Variants in KCNJ15 observed in about 807,000 individuals in gnomAD.
The protein encoded by KCNJ15 is potassium inwardly rectifying channel subfamily J member 15.
KCNJ15 carries 14 observed loss-of-function variants against 23.0 expected under a neutral mutation model. That is an observed-to-expected ratio of 0.61 (90% CI 0.40 to 0.95). The LOEUF (loss-of-function observed/expected upper bound fraction) is 0.95, where lower values mean the gene tolerates loss of function less well. Ranked by LOEUF, KCNJ15 falls within the 40% of genes least tolerant of loss-of-function variation. The pLI is 0.00. For synonymous variants in KCNJ15, 185 were observed against 183.2 expected (o/e 1.01, Z -0.08); for missense variants, 388 against 461.8 (o/e 0.84, Z 1.46).
chr21:38,280,526 CGACGCCT>C (rs1983209220), intron 1 of KCNJ15, among the ~76,000 whole-genome samples: 1 of 152,098 alleles, frequency 6.6e-6, no homozygotes, highest in Non-Finnish European at 1.5e-5. Flanking sequence ...AGAATATAAG[CGACGCCT>C]GACTTAGCAC....
intron 1 of KCNJ15, among the ~76,000 whole-genome samples, chr21:38,265,440 A>G (rs1359546998): frequency 6.6e-6 from 1 of 152,246 alleles, no homozygotes; most frequent in Non-Finnish European, 1.5e-5. Flanking sequence ...CCTAAATGAT[A>G]CTTTCTGCAC....
chr21:38,294,737 A>G (rs573349428), intron 1 of KCNJ15, among the ~76,000 whole-genome samples: 158 of 152,226 alleles, frequency 1.0e-3, no homozygotes, highest in South Asian at 4.1e-3. Context: ...TACCTTTTTC[A>G]ATGTGCCTTC....
At chr21:38,278,301 A>G (rs1277793411) in intron 1 of KCNJ15, among the ~76,000 whole-genome samples, 1 of 152,230 alleles carries the variant, frequency 6.6e-6, no homozygotes, top group Non-Finnish European at 1.5e-5. Context: ...GTGATGGATG[A>G]AGAGCTGGCT....
chr21:38,239,062 G>A (rs920649922), intron 1 of KCNJ15, among the ~76,000 whole-genome samples: 3 of 152,170 alleles, frequency 2.0e-5, no homozygotes, highest in African/African-American at 7.2e-5. Flanking sequence ...CCATTGAGAA[G>A]GTGGTTATTG....
intron 1 of KCNJ15, among the ~76,000 whole-genome samples, chr21:38,250,488 A>G (rs1442086787): frequency 6.6e-6 from 1 of 152,310 alleles, no homozygotes; most frequent in Admixed American, 6.5e-5. Context: ...TAAACTTGGA[A>G]AAGGGTGAAA....
At chr21:38,232,121 TACTC>T (rs767745236) in intron 1 of KCNJ15, among the ~76,000 whole-genome samples, 79 of 148,862 alleles carry the variant, frequency 5.3e-4, no homozygotes, top group Non-Finnish European at 8.9e-4. Context: ...GTTTTAAAAT[TACTC>T]ATTCATTAGA....
intron 1 of KCNJ15, among the ~76,000 whole-genome samples, chr21:38,267,909 A>G (rs1981629971): frequency 6.6e-6 from 1 of 152,166 alleles, no homozygotes; most frequent in African/African-American, 2.4e-5. Flanking sequence ...TAAAAAGTAT[A>G]TGCTTAGCTT....
Position 38,299,772 on chromosome 21 carries a change from C to CTTT in KCNJ15, c.511_512insTTT (p.Pro171delinsLeuSer). On this transcript the variant is annotated protein_altering_variant, in exon 3 of 3. Coordinates refer to ENST00000398938, the MANE Select transcript of KCNJ15 (RefSeq NM_170736.3). This position sits in a 1 kb window ranked among gnomAD's most constrained non-coding sequence, Gnocchi z 4.5. ...AACCTTCCTGGCCAAAATCGCCAGACCCAAAAAGCGGGCTGAGACCATCAA... is the reference window on the plus strand; with the variant it reads ...AACCTTCCTGGCCAAAATCGCCAGACTTTCCAAAAAGCGGGCTGAGACCATCAA... 1 of 1,614,068 alleles carries CTTT rather than the reference C, an allele frequency of 6.2e-7. No individual in the cohort carries two copies. Among genetic ancestry groups the CTTT allele is most frequent in the Non-Finnish European group, 8.5e-7 (1 of 1,180,024 alleles).
Position 38,302,604 on chromosome 21 carries a change from T to G in KCNJ15, c.*2215T>G, listed in dbSNP as rs1985880574. On this transcript the variant is annotated 3_prime_UTR_variant, in exon 3 of 3. Coordinates refer to ENST00000398938, the MANE Select transcript of KCNJ15 (RefSeq NM_170736.3). ...TCTTTTAGTTATTATACTTGCTATT[T>G]TTACTGTATAGTGTGGTATAATCAA... 1 of 152,238 alleles carries G rather than the reference T, an allele frequency of 6.6e-6. No homozygotes were observed. Among genetic ancestry groups the G allele is most frequent in the Non-Finnish European group, 1.5e-5 (1 of 68,038 alleles). The allele number at this position is 152,238 out of a possible 1,614,324, so 9.4% of individuals were successfully genotyped here. A position where few individuals can be genotyped will look rare whatever the true frequency, so the allele number is the denominator to read the frequency against.
At chr21:38,282,645 C>A (rs912856567) in intron 1 of KCNJ15, among the ~76,000 whole-genome samples, 11 of 152,124 alleles carry the variant, frequency 7.2e-5, no homozygotes, top group Admixed American at 1.3e-4. Flanking sequence ...GGCATCATAA[C>A]CTTAGGCAAG....
chr21:38,293,046 A>G (rs527543401), intron 1 of KCNJ15, among the ~76,000 whole-genome samples: 4 of 152,214 alleles, frequency 2.6e-5, no homozygotes, highest in Non-Finnish European at 4.4e-5. Flanking sequence ...TCAGGCATAT[A>G]ATCCTAAGAT....
intron 1 of KCNJ15, among the ~76,000 whole-genome samples, chr21:38,261,608 C>T (rs1338308424): frequency 6.6e-6 from 1 of 152,118 alleles, no homozygotes; most frequent in Non-Finnish European, 1.5e-5. Flanking sequence ...TTCATTGGCA[C>T]CTTGCCATGA....
intron 1 of KCNJ15, chr21:38,291,871 T>C (rs1265130501): frequency 6.6e-6 from 1 of 152,246 alleles, no homozygotes; most frequent in Non-Finnish European, 1.5e-5. Flanking sequence ...TTGTGCTATA[T>C]CACAGTTCCT....
intron 1 of KCNJ15, among the ~76,000 whole-genome samples, chr21:38,239,700 T>G (rs1978861171): frequency 6.6e-6 from 1 of 152,184 alleles, no homozygotes; most frequent in Non-Finnish European, 1.5e-5. Context: ...AACCTTATCT[T>G]AAAGTAAAAA....
At chr21:38,244,392 G>A (rs996730370) in intron 1 of KCNJ15, among the ~76,000 whole-genome samples, 5 of 152,140 alleles carry the variant, frequency 3.3e-5, no homozygotes, top group East Asian at 3.9e-4. Context: ...CAGGGACCAC[G>A]ACACATCCCA....
chr21:38,303,708 G>T lies in KCNJ15; in HGVS notation c.*3319G>T, dbSNP rs928847201. ...CAACTATTTTGTTGGATTTTTATTTGAATTAAATTTCCCAATTTTTAATAG... is the reference window on the plus strand; with the variant it reads ...CAACTATTTTGTTGGATTTTTATTTTAATTAAATTTCCCAATTTTTAATAG... On this transcript the variant is annotated 3_prime_UTR_variant, in exon 3 of 3. Coordinates refer to ENST00000398938, the MANE Select transcript of KCNJ15 (RefSeq NM_170736.3). The T allele has an allele frequency of 9.9e-5, 15 of 152,166 alleles. No homozygotes were observed. The highest frequency in any genetic ancestry group is 2.1e-4 in the South Asian group (1 of 4,822). 9.4% of individuals were successfully genotyped at this position (152,166 alleles called of 1,614,324 possible). A position where few individuals can be genotyped will look rare whatever the true frequency, so the allele number is the denominator to read the frequency against.
Position 38,235,287 on chromosome 21 carries a change from C to CT in KCNJ15, c.-398-21758dup, listed in dbSNP as rs536289829. Among the ~76,000 whole-genome samples, 9 of 151,582 alleles carry CT rather than the reference C, an allele frequency of 5.9e-5. No homozygotes were observed. In the South Asian group the frequency reaches 1.9e-3, roughly 31 times the overall value. ...GTTGAGCTGGGACTGGGCATGGTGG[C>CT]TCACTCCTGTGATCCCAGCACTTTG... is the stretch of plus-strand genomic sequence containing the variant. On this transcript the variant is annotated intron_variant, in intron 1 of 4. Transcript: ENST00000547341.
At chr21:38,297,534 C>T (rs1332614123) in intron 2 of KCNJ15, among the ~76,000 whole-genome samples, 3 of 152,234 alleles carry the variant, frequency 2.0e-5, no homozygotes, top group Non-Finnish European at 4.4e-5. Flanking sequence ...AGACAGGCTG[C>T]ATTTGTCTCT....
intron 1 of KCNJ15, among the ~76,000 whole-genome samples, chr21:38,241,529 C>G (rs1449485498): frequency 6.6e-6 from 1 of 152,194 alleles, no homozygotes; most frequent in Non-Finnish European, 1.5e-5. Context: ...GATCCAGGTC[C>G]TCTGCTACCA....
Sources: gnomAD v4.1 joint callset for allele counts (sites outside exome capture counted in the v4.1 genomes callset) on GRCh38, gnomAD v4.1.1 for gene constraint, Gnocchi (gnomAD v3.1) non-coding constraint, MANE v1.5 for transcripts, NCBI Gene and HGNC (gene_info 2026-07-23, HGNC 2026-07-21) for gene names.